UBAP2: variants seen among roughly 807,000 people sequenced by gnomAD.
UBAP2 encodes the protein ubiquitin-associated protein 2.
A neutral mutation model predicts 139.6 loss-of-function variants in UBAP2; 75 were observed. The ratio of observed to expected loss-of-function variants is 0.54; its 90% CI spans 0.45 to 0.65. The LOEUF (loss-of-function observed/expected upper bound fraction) is 0.65, where lower values mean the gene tolerates loss of function less well. UBAP2 is among the 30% of genes least tolerant of loss of function. The pLI, the probability that UBAP2 is intolerant of heterozygous loss-of-function variation, is 0.00. For synonymous variants in UBAP2, 526 were observed against 526.2 expected, an observed-to-expected ratio of 1.00 and a Z score of 0.01; for missense variants, 1,368 against 1,369.6, an observed-to-expected ratio of 1.00 and a Z score of 0.02.
intron 1 of UBAP2, among the ~76,000 whole-genome samples, chr9:34,039,987 G>A (rs992835257): frequency 1.5e-4 from 23 of 151,450 alleles, no homozygotes; most frequent in Non-Finnish European, 2.9e-5. Context: ...GAGAAACCCC[G>A]ACTCTACTAA....
At position 33,924,703 on chromosome 9, in the gene UBAP2, G is replaced by T. The variant is rs144044736; in HGVS notation, c.2512-419C>A. 6.1e-3 allele frequency among the ~76,000 whole-genome samples: 924 copies of T among 152,270 alleles called. 7 individuals are homozygous for T. The highest frequency in any genetic ancestry group is 0.021 in the African/African-American group (871 of 41,530). ...AGTGCAGGGGCCTGAAAGGTTTAAG[G>T]GGGGACAGGGGGCAGTGCCAGGTAG... On this transcript the variant is annotated intron_variant, in intron 22 of 28. Coordinates refer to ENST00000379238, the MANE Select transcript of UBAP2 (RefSeq NM_001370062.2).
At chr9:34,014,345 A>AAAAAAAG (rs1209023809) in intron 2 of UBAP2, among the ~76,000 whole-genome samples, 1 of 150,390 alleles carries the variant, frequency 6.6e-6, no homozygotes, top group East Asian at 1.9e-4. Flanking sequence ...AAAAAAAAAA[A>AAAAAAAG]AAAGGTCAGG....
rs1324306882 is a variant in UBAP2, at chr9:33,981,074, TATATATATATATATATATATATATTCTGG to T, written c.520+5657_520+5685del. On this transcript the variant is annotated intron_variant, in intron 6 of 28. Coordinates refer to ENST00000379238, the MANE Select transcript of UBAP2 (RefSeq NM_001370062.2). ...TGGGCTTATTTACTTCATATATATA[TATATATATATATATATATATATATTCTGG>T]ATATATATATATATATATATATATA... 2.9e-3 allele frequency among the ~76,000 whole-genome samples: 60 copies of T among 20,450 alleles called. 24 individuals are homozygous for T. Among genetic ancestry groups the T allele is most frequent in the African/African-American group, 3.5e-3 (24 of 6,850 alleles). The allele number at this position is 20,450 out of a possible 152,430, so 13.4% of individuals were successfully genotyped here.
At chr9:34,015,799 C>T (rs68102902) in intron 2 of UBAP2, among the ~76,000 whole-genome samples, 8,351 of 152,028 alleles carry the variant, frequency 0.055, 335 homozygotes, top group Non-Finnish European at 0.082. Context: ...CGCCCAAGTA[C>T]CTGGGACTAC....
intron 11 of UBAP2, among the ~76,000 whole-genome samples, chr9:33,955,146 A>T (rs1179170498): frequency 4.6e-5 from 7 of 152,044 alleles, no homozygotes; most frequent in Admixed American, 2.6e-4. Flanking sequence ...GTACATGAAG[A>T]AACCAAAGAA....
chr9:34,016,364 CAGCGGCGGT>C (rs1302176276), intron 2 of UBAP2, among the ~76,000 whole-genome samples: 308 of 39,538 alleles, frequency 7.8e-3, no homozygotes, highest in Non-Finnish European at 9.0e-3. Context: ...GCAGCGGCGG[CAGCGGCGGT>C]GGTGGTGGTG....
At chr9:34,020,085 G>C (rs1455365210) in intron 1 of UBAP2, among the ~76,000 whole-genome samples, 1 of 150,920 alleles carries the variant, frequency 6.6e-6, no homozygotes, top group Non-Finnish European at 1.5e-5. Flanking sequence ...GCTTGAACCT[G>C]GGAGGCGGAG....
intron 10 of UBAP2, 104 bp from the exon 11 acceptor site, chr9:33,956,250 A>G (rs748764881): frequency 5.3e-5 from 37 of 698,838 alleles, no homozygotes; most frequent in Non-Finnish European, 8.1e-5. Flanking sequence ...TACACTTCGC[A>G]TAACAGCTAT....
chr9:34,016,564 T>C (rs1292264871), intron 2 of UBAP2, among the ~76,000 whole-genome samples: 3 of 147,660 alleles, frequency 2.0e-5, no homozygotes, highest in Non-Finnish European at 4.6e-5. Flanking sequence ...TTTATTTTAT[T>C]TTTTTTTTTA....
chr9:34,038,877 G>A (rs1016353149), intron 1 of UBAP2, among the ~76,000 whole-genome samples: 14 of 150,264 alleles, frequency 9.3e-5, no homozygotes, highest in South Asian at 2.1e-4. Flanking sequence ...GAGATGTGGG[G>A]AGCGCCTCTG....
intron 2 of UBAP2, among the ~76,000 whole-genome samples, chr9:34,006,698 C>G (rs1823252383): frequency 6.6e-6 from 1 of 151,618 alleles, no homozygotes; most frequent in South Asian, 2.1e-4. Flanking sequence ...AAAAAGATAA[C>G]GTAAAGAAAA....
chr9:34,036,369 G>A (rs528970607), intron 1 of UBAP2, among the ~76,000 whole-genome samples: 7 of 152,030 alleles, frequency 4.6e-5, no homozygotes, highest in African/African-American at 1.2e-4. Flanking sequence ...TGCCCGTCTC[G>A]GCCTCCCAAA....
intron 16 of UBAP2, among the ~76,000 whole-genome samples, chr9:33,941,152 A>G (rs1328440644): frequency 2.0e-5 from 3 of 152,252 alleles, no homozygotes; most frequent in Non-Finnish European, 4.4e-5. Context: ...ACCATCAGAT[A>G]TGCAGTTAGC....
chr9:33,937,468 G>T (rs760438273), intron 16 of UBAP2, among the ~76,000 whole-genome samples: 1 of 151,752 alleles, frequency 6.6e-6, no homozygotes, highest in African/African-American at 2.4e-5. Context: ...TTAGCTAGGT[G>T]GGGTGACACA....
In UBAP2 at chr9:33,953,370, A is replaced by G; in HGVS notation, c.971T>C (p.Val324Ala). The G allele has an allele frequency of 1.2e-6, 2 of 1,614,220 alleles. No individual in the cohort carries two copies. The highest frequency in any genetic ancestry group is 1.3e-5 in the African/African-American group (1 of 75,070). The change falls in exon 12 of 29, where the codon GTC (valine) becomes GCC (alanine). Residue 324 changes from valine to alanine, a missense_variant. Transcript: ENST00000379238. ...SQQQGFGQALVFTNSQHNNQM... is the reference protein window; with the variant it reads ...SQQQGFGQALAFTNSQHNNQM... The stretch of plus-strand genomic sequence containing the variant: ...ATTGTTGTGTTGCGAATTTGTGAAG[A>G]CAAGGGCTTGGCCAAAGCCCTGCTG...
chr9:34,037,063 G>A (rs1055544434), intron 1 of UBAP2, among the ~76,000 whole-genome samples: 7 of 140,844 alleles, frequency 5.0e-5, no homozygotes, highest in Admixed American at 7.9e-5. Flanking sequence ...ATCTCGGCTC[G>A]CTGCAACCTC....
intron 2 of UBAP2, among the ~76,000 whole-genome samples, chr9:34,015,849 T>C (rs1419641571): frequency 1.3e-5 from 2 of 151,942 alleles, no homozygotes; most frequent in Non-Finnish European, 2.9e-5. Flanking sequence ...TTAAACTTTT[T>C]GTAGAGACAA....
At chr9:33,944,263 G>A in intron 14 of UBAP2, 102 bp downstream of exon 14, 1 of 1,470,936 alleles carries the variant, frequency 6.8e-7, no homozygotes, top group Non-Finnish European at 9.2e-7. Context: ...CTATGTGCTT[G>A]AAAAACACTG....
intron 6 of UBAP2, among the ~76,000 whole-genome samples, chr9:33,974,767 C>T (rs1287019690): frequency 4.6e-5 from 7 of 151,474 alleles, no homozygotes; most frequent in South Asian, 2.1e-4. Context: ...ACCTGGCCAA[C>T]GTGGCAAAAC....
Sources: gnomAD v4.1 joint callset for allele counts (sites outside exome capture counted in the v4.1 genomes callset) on GRCh38, gnomAD v4.1.1 for gene constraint, MANE v1.5 for transcripts, NCBI Gene and HGNC (gene_info 2026-07-23, HGNC 2026-07-21) for gene names.